Variants in GBP5 observed in about 807,000 individuals in gnomAD.
GBP5 encodes guanylate-binding protein 5.
Under a neutral mutation model 58.2 loss-of-function variants are expected in GBP5, and 48 were observed. That is an observed-to-expected ratio of 0.83 (90% confidence interval 0.65 to 1.05). GBP5 has a LOEUF of 1.05. Ranked by LOEUF, GBP5 falls within the 50% of genes least tolerant of loss-of-function variation. The pLI is 0.00. For missense variants in GBP5, 714 were observed against 686.8 expected (o/e 1.04, Z -0.44); for synonymous variants, 248 against 251.8 (o/e 0.98, Z 0.14).
Position 89,257,682 on chromosome 1 carries a change from T to C in GBP5, c.*3022A>G, listed in dbSNP as rs1242602513. 6.6e-6 allele frequency among the ~76,000 whole-genome samples: 1 copy of C among 152,232 alleles called. No homozygotes were observed. The highest frequency in any genetic ancestry group is 2.4e-5 in the African/African-American group (1 of 41,462). ...ATGAGCAACAGGTGAATTACTACAG[T>C]GACCATAATAAAGTGATCCATAATA... On this transcript the variant is annotated 3_prime_UTR_variant, in exon 12 of 12. Coordinates refer to ENST00000370459, the MANE Select transcript of GBP5 (RefSeq NM_052942.5).
chr1:89,260,776 A>G lies in GBP5; in HGVS notation c.1689T>C (p.Asn563=), dbSNP rs1292367473. ...GCTGGAGCTCACTGAGAAGGCTTCT[A>G]TTTTGAGCTTGGAATGTTGTGCTGA... The part of the protein sequence containing the change: ...AQLSTTFQAQ[N]RSLLSELQHA... Residue 563 remains asparagine, a synonymous_variant, in exon 12 of 12, where the codon AAT becomes AAC. Transcript: ENST00000370459. 1.9e-6 allele frequency: 3 copies of G among 1,614,016 alleles called. No homozygotes were observed. The African/African-American group carries it at 4.0e-5, about 22-fold the overall frequency.
Position 89,269,411 on chromosome 1 carries a change from T to A in GBP5, c.145A>T (p.Thr49Ser), listed in dbSNP as rs1557505437. Reference protein sequence around the residue: ...VVVAIVGLYRTGKSYLMNKLA... With the variant: ...VVVAIVGLYRSGKSYLMNKLA... ...TTGTTCATCAGGTAGGATTTGCCAGTGCGATAGAGGCCCACAATCGCTACC... is the reference window on the plus strand; with the variant it reads ...TTGTTCATCAGGTAGGATTTGCCAGAGCGATAGAGGCCCACAATCGCTACC... Residue 49 changes from threonine to serine, a missense_variant, in exon 3 of 12, where the codon ACT becomes TCT. Coordinates refer to ENST00000370459, the MANE Select transcript of GBP5 (RefSeq NM_052942.5). The A allele has an allele frequency of 1.2e-6, 2 of 1,614,132 alleles. No homozygotes were observed. Among genetic ancestry groups the A allele is most frequent in the Non-Finnish European group, 1.7e-6 (2 of 1,180,006 alleles).
Position 89,268,820 on chromosome 1 carries a change from T to C in GBP5, c.227A>G (p.Lys76Arg), listed in dbSNP as rs757791429. 22 of 1,613,792 alleles carry C rather than the reference T, an allele frequency of 1.4e-5. 1 individual carries two copies. The highest frequency in any genetic ancestry group is 8.9e-5 in the East Asian group (4 of 44,870). The change falls in exon 4 of 12, where the codon AAG (lysine) becomes AGG (arginine). Residue 76 changes from lysine (K) to arginine (R), a missense_variant. By Grantham distance (26) the Lys-to-Arg change is conservative. Transcript: ENST00000370459. ...SVASTVQSHT[K>R]GIWIWCVPHP... is the part of the protein sequence containing the mutation. ...AGGCACACACCATATCCAAATTCCC[T>C]TGGTGTGAGACTGCACCGTAGATGC...
intron 2 of GBP5, 40 bp from the exon 3 acceptor site, chr1:89,269,614 T>C: frequency 7.1e-7 from 1 of 1,403,162 alleles, no homozygotes; most frequent in Non-Finnish European, 1.0e-6. Context: ...ATTTCTGGTG[T>C]TTGTTTAATA....
Position 89,262,364 on chromosome 1 carries a change from C to A in GBP5, c.1503G>T (p.Ala501=). 1 of 1,614,032 alleles carries A rather than the reference C, an allele frequency of 6.2e-7. No individual in the cohort carries two copies. Among genetic ancestry groups the A allele is most frequent in the Non-Finnish European group, 8.5e-7 (1 of 1,180,002 alleles). ...GCCTTTGAATCGCCGCCAACCTTTG[C>A]GCTTCAGCCTTTTCAGCTTCTGCTT... ...QVKAEAEKAE[A]QRLAAIQRQN... Residue 501 remains alanine (A), a synonymous_variant, in exon 11 of 12, where the codon GCG becomes GCT. Transcript: ENST00000370459.
intron 1 of GBP5, chr1:89,271,973 A>T (rs1650473242): frequency 6.6e-6 from 1 of 152,256 alleles, no homozygotes; most frequent in African/African-American, 2.4e-5. Context: ...GACTAAAAAT[A>T]CATCACTGTT....
chr1:89,263,399 G>A, intron 9 of GBP5: 1 of 212,358 alleles, frequency 4.7e-6, no homozygotes, highest in South Asian at 1.2e-4. Context: ...TGAATTACTG[G>A]TGTTTCTTAG....
chr1:89,267,110 G>T lies in GBP5; in HGVS notation c.472C>A (p.Pro158Thr), dbSNP rs751436299. ...LTDLLKARNS[P>T]DLDRVEDPAD... ...GGATCTTCAACCCTGTCAAGGTCGG[G>T]TGAGTTTCTTGCCTTGAGCAGATCT... Residue 158 changes from proline to threonine, a missense_variant, in exon 6 of 12, where the codon CCC becomes ACC. Transcript: ENST00000370459. 4.4e-6 allele frequency: 7 copies of T among 1,608,424 alleles called. No homozygotes were observed. The Admixed American group carries it at 1.0e-4, about 24-fold the overall frequency.
In GBP5 at chr1:89,265,493, C is replaced by T. The variant is rs183929956; in HGVS notation, c.869-527G>A. Among the ~76,000 whole-genome samples the T allele has an allele frequency of 5.6e-3, 852 of 151,342 alleles. 10 individuals carry two copies. The highest frequency in any genetic ancestry group is 0.019 in the African/African-American group (804 of 41,396). ...CTAAAAAAGTGCAAAGTTTGGGAGG[C>T]TGAGGCGGGCGGATCACGAGGTGAG... is the stretch of plus-strand genomic sequence containing the variant. On this transcript the variant is annotated intron_variant, in intron 7 of 11. Transcript: ENST00000370459.
rs1649799579 is a variant in GBP5 at position 89,256,516 on chromosome 1, G to A, written c.*4188C>T. On this transcript the variant is annotated 3_prime_UTR_variant, in exon 12 of 12. Coordinates refer to ENST00000370459, the MANE Select transcript of GBP5 (RefSeq NM_052942.5). ...TTATGTTTTTTGTACTCTTCAGTAT[G>A]TGTCACATTTAATAATTTTGAAAAA... Among the ~76,000 whole-genome samples, 6 of 152,104 alleles carry A rather than the reference G, an allele frequency of 3.9e-5. No homozygotes were observed. The South Asian group carries it at 1.0e-3, about 26-fold the overall frequency.
In GBP5 at chr1:89,266,426, T is replaced by G. The variant is rs369440866; in HGVS notation, c.788A>C (p.Gln263Pro). ...GATGTAGGAACAGAATTCTGTCACTTGTTGCACAAATTCAGGCTCTAGCTC... is the reference window on the plus strand; with the variant it reads ...GATGTAGGAACAGAATTCTGTCACTGGTTGCACAAATTCAGGCTCTAGCTC... ...DDELEPEFVQ[Q>P]VTEFCSYIFS... Residue 263 changes from glutamine (Q) to proline (P), a missense_variant, in exon 7 of 12, where the codon CAA (glutamine) becomes CCA (proline). Physicochemically the swap from Gln to Pro is moderately conservative, Grantham distance 76. Transcript: ENST00000370459. 1.2e-6 allele frequency: 2 copies of G among 1,614,008 alleles called. No homozygotes were observed. Among genetic ancestry groups the G allele is most frequent in the African/African-American group, 2.7e-5 (2 of 74,936 alleles).
rs1570405669 is a variant in GBP5 at position 89,256,511 on chromosome 1, A to G, written c.*4193T>C. 6.6e-6 allele frequency among the ~76,000 whole-genome samples: 1 copy of G among 152,174 alleles called. No homozygotes were observed. Among genetic ancestry groups the G allele is most frequent in the African/African-American group, 2.4e-5 (1 of 41,440 alleles). ...ACATTTTATGTTTTTTGTACTCTTC[A>G]GTATGTGTCACATTTAATAATTTTG... On this transcript the variant is annotated 3_prime_UTR_variant, in exon 12 of 12. Transcript: ENST00000370459.
chr1:89,268,960 C>A (rs1421023817), intron 3 of GBP5, 104 bp from the exon 4 acceptor site: 9 of 1,118,050 alleles, frequency 8.0e-6, no homozygotes, highest in Admixed American at 2.2e-5. Context: ...GAGGAGATAG[C>A]AGAATGTACA....
intron 6 of GBP5, 37 bp from the exon 7 acceptor site, chr1:89,266,625 T>C (rs1461095320): frequency 9.7e-6 from 15 of 1,548,874 alleles, no homozygotes; most frequent in Non-Finnish European, 1.3e-5. Context: ...TAGCATAGAC[T>C]TTGCACTCAT....
rs1188279494 is a variant in GBP5, at chr1:89,268,822, G to C, written c.225C>G (p.Thr75=). 2 of 1,613,872 alleles carry C rather than the reference G, an allele frequency of 1.2e-6. No individual in the cohort carries two copies. Among genetic ancestry groups the C allele is most frequent in the East Asian group, 4.5e-5 (2 of 44,860 alleles). ...FSVASTVQSH[T]KGIWIWCVPH... is the part of the protein sequence containing the mutation. ...GCACACACCATATCCAAATTCCCTT[G>C]GTGTGAGACTGCACCGTAGATGCAA... The change falls in exon 4 of 12, where the codon ACC becomes ACG. Residue 75 remains threonine, a synonymous_variant. Coordinates refer to ENST00000370459, the MANE Select transcript of GBP5 (RefSeq NM_052942.5).
intron 1 of GBP5, chr1:89,271,417 C>T (rs1381539532): frequency 6.6e-6 from 1 of 151,960 alleles, no homozygotes; most frequent in African/African-American, 2.4e-5. Context: ...TAACTGCTGG[C>T]TTATGAAAGA....
intron 11 of GBP5, among the ~76,000 whole-genome samples, chr1:89,261,271 A>G (rs1649997229): frequency 6.6e-6 from 1 of 152,260 alleles, no homozygotes; most frequent in African/African-American, 2.4e-5. Context: ...AGGAGAAAAG[A>G]GTGAATACAT....
intron 11 of GBP5, 130 bp from the exon 12 acceptor site, chr1:89,260,947 A>C: frequency 6.3e-6 from 4 of 632,506 alleles, no homozygotes; most frequent in Non-Finnish European, 5.6e-6. Flanking sequence ...ATTCACGTGC[A>C]TCTAACCTAT....
chr1:89,262,358 C>T lies in GBP5; in HGVS notation c.1509G>A (p.Arg503=). 1 of 1,614,108 alleles carries T rather than the reference C, an allele frequency of 6.2e-7. No homozygotes were observed. Among genetic ancestry groups the T allele is most frequent in the Non-Finnish European group, 8.5e-7 (1 of 1,180,022 alleles). ...CGTTCTGCCTTTGAATCGCCGCCAA[C>T]CTTTGCGCTTCAGCCTTTTCAGCTT... is the stretch of plus-strand genomic sequence containing the variant. ...KAEAEKAEAQ[R]LAAIQRQNEQ... Residue 503 remains arginine, a synonymous_variant, in exon 11 of 12, where the codon AGG becomes AGA. Transcript: ENST00000370459.
Sources: allele counts gnomAD v4.1 joint callset (sites outside exome capture counted in the v4.1 genomes callset), GRCh38; gene constraint gnomAD v4.1.1; transcripts MANE v1.5; gene names NCBI Gene and HGNC (gene_info 2026-07-23, HGNC 2026-07-21).